Variants in GNG2 observed in about 807,000 individuals in gnomAD.
GNG2 encodes G protein subunit gamma 2.
GNG2 carries 5 observed loss-of-function variants against 5.5 expected under a neutral mutation model. That is an observed-to-expected ratio of 0.91 (90% CI 0.48 to 1.92). The LOEUF (loss-of-function observed/expected upper bound fraction) is 1.92. GNG2 is among the 30% of genes most tolerant of loss of function. The pLI is 0.01. For synonymous variants in GNG2, 28 were observed against 32.0 expected (o/e 0.88, Z 0.42); for missense variants, 55 against 88.4 (o/e 0.62, Z 1.52).
intron 2 of GNG2, among the ~76,000 whole-genome samples, chr14:51,916,828 A>C (rs1201296166): frequency 6.6e-6 from 1 of 152,234 alleles, no homozygotes; most frequent in Non-Finnish European, 1.5e-5. Context: ...ATTAAAATTC[A>C]GAGAAGAAGG....
intron 2 of GNG2, chr14:51,916,650 C>T (rs904517939): frequency 2.1e-5 from 8 of 382,724 alleles, no homozygotes; most frequent in African/African-American, 1.5e-4. Context: ...GGGAGGCCTA[C>T]CTGCCTGCGG....
intron 2 of GNG2, among the ~76,000 whole-genome samples, chr14:51,912,256 G>GAT (rs902802345): frequency 6.6e-6 from 1 of 152,116 alleles, no homozygotes; most frequent in African/African-American, 2.4e-5. Flanking sequence ...GAATGGGGGA[G>GAT]ATATAGTAAG....
chr14:51,888,647 T>C lies in GNG2; in HGVS notation c.-30+10990T>C, dbSNP rs752389505. Among the ~76,000 whole-genome samples, 127 of 152,330 alleles carry C rather than the reference T, an allele frequency of 8.3e-4. 1 individual carries two copies. The highest frequency in any genetic ancestry group is 8.2e-4 in the Non-Finnish European group (56 of 68,032). Reference sequence around the variant, plus strand: ...TGTAAGAGAAATTTTTAGAATTCCATGTTACCACAGCTGACGTCTCCATTA... The same window carrying C: ...TGTAAGAGAAATTTTTAGAATTCCACGTTACCACAGCTGACGTCTCCATTA... On this transcript the variant is annotated intron_variant, in intron 2 of 3. Coordinates refer to ENST00000556766, the MANE Select transcript of GNG2 (RefSeq NM_053064.5).
At chr14:51,853,406 T>C (rs1023639069) in intron 2 of GNG2, among the ~76,000 whole-genome samples, 22 of 152,082 alleles carry the variant, frequency 1.4e-4, no homozygotes, top group African/African-American at 2.4e-5. Context: ...AATTCTGTCA[T>C]AGAAAATTCA....
upstream of GNG2, among the ~76,000 whole-genome samples, chr14:51,858,309 G>T (rs1427478820): frequency 1.3e-5 from 2 of 152,160 alleles, no homozygotes; most frequent in African/African-American, 4.8e-5. Flanking sequence ...TGAAAGAGAG[G>T]TCTTAAAATC....
intron 2 of GNG2, among the ~76,000 whole-genome samples, chr14:51,851,919 T>G (rs1881926007): frequency 6.6e-6 from 1 of 152,244 alleles, no homozygotes; most frequent in South Asian, 2.1e-4. Flanking sequence ...ATTTTTCCAC[T>G]TTTACATCAG....
chr14:51,877,290 C>G (rs1433536973), intron 1 of GNG2, among the ~76,000 whole-genome samples: 1 of 152,164 alleles, frequency 6.6e-6, no homozygotes, highest in Non-Finnish European at 1.5e-5. Context: ...TTCATTCCAT[C>G]GGTATACAGC....
At chr14:51,927,904 A>G (rs1481361675) in intron 2 of GNG2, among the ~76,000 whole-genome samples, 1 of 152,126 alleles carries the variant, frequency 6.6e-6, no homozygotes, top group African/African-American at 2.4e-5. Context: ...AGAAGAAAAC[A>G]TGAGCTGATC....
chr14:51,889,839 GC>G (rs1438236339), intron 2 of GNG2, among the ~76,000 whole-genome samples: 1 of 152,092 alleles, frequency 6.6e-6, no homozygotes, highest in Non-Finnish European at 1.5e-5. Context: ...AGCTACTTTG[GC>G]TTTTTTGTCT....
chr14:51,951,468 T>C (rs55713042), intron 3 of GNG2, among the ~76,000 whole-genome samples: 2,761 of 152,316 alleles, frequency 0.018, 96 homozygotes, highest in African/African-American at 0.062. Flanking sequence ...TAGATAGCTA[T>C]GGCACGGTGG....
chr14:51,934,606 T>G (rs1302335158), intron 2 of GNG2, among the ~76,000 whole-genome samples: 1 of 152,108 alleles, frequency 6.6e-6, no homozygotes, highest in African/African-American at 2.4e-5. Context: ...CTCAGCAAAG[T>G]TGAAAGTCAA....
exon 2 of GNG2, chr14:51,827,765 C>G: frequency 1.4e-6 from 1 of 700,438 alleles, no homozygotes; most frequent in Non-Finnish European, 2.6e-6. Flanking sequence ...ATTGCAACCT[C>G]CAATGGAAAG....
intron 1 of GNG2, among the ~76,000 whole-genome samples, chr14:51,866,759 A>G (rs185032333): frequency 4.6e-5 from 7 of 152,316 alleles, no homozygotes; most frequent in Admixed American, 4.6e-4. Flanking sequence ...CTCATGACCC[A>G]ATCACCTCCA....
At chr14:51,923,153 CT>C (rs1887115658) in intron 2 of GNG2, among the ~76,000 whole-genome samples, 1 of 152,122 alleles carries the variant, frequency 6.6e-6, no homozygotes, top group Non-Finnish European at 1.5e-5. Flanking sequence ...CTGTCTAAGG[CT>C]TTTTTCTGTT....
intron 2 of GNG2, among the ~76,000 whole-genome samples, chr14:51,948,219 C>G (rs1360424258): frequency 6.6e-6 from 1 of 152,168 alleles, no homozygotes; most frequent in Non-Finnish European, 1.5e-5. Flanking sequence ...ATACACCTAG[C>G]TAAAATTCAG....
At chr14:51,893,800 C>T (rs909611652) in intron 2 of GNG2, among the ~76,000 whole-genome samples, 3 of 152,044 alleles carry the variant, frequency 2.0e-5, no homozygotes, top group Admixed American at 1.3e-4. Context: ...TATGTTCCTC[C>T]AAACAGCCAA....
chr14:51,953,984 A>C (rs1281065783), intron 3 of GNG2, among the ~76,000 whole-genome samples: 1 of 152,134 alleles, frequency 6.6e-6, no homozygotes, highest in Non-Finnish European at 1.5e-5. Flanking sequence ...GACTCTTAAG[A>C]GGAGGATTTG....
chr14:51,926,000 T>C (rs1887293607), intron 2 of GNG2, among the ~76,000 whole-genome samples: 2 of 152,058 alleles, frequency 1.3e-5, no homozygotes, highest in South Asian at 4.1e-4. Context: ...TGATCAGTTG[T>C]TTTTGTGTTT....
chr14:51,841,605 C>T (rs1383855147), intron 2 of GNG2: 2 of 693,348 alleles, frequency 2.9e-6, no homozygotes, highest in Admixed American at 4.1e-5. Context: ...AGTAATATTT[C>T]AACAGAACCA....
Sources: allele counts gnomAD v4.1 joint callset (sites outside exome capture counted in the v4.1 genomes callset), GRCh38; gene constraint gnomAD v4.1.1; transcripts MANE v1.5; gene names NCBI Gene and HGNC (gene_info 2026-07-23, HGNC 2026-07-21).